Variants in ATXN1 observed in about 807,000 individuals in gnomAD.
The protein encoded by ATXN1 is ataxin 1.
Under a neutral mutation model 56.4 loss-of-function variants are expected in ATXN1, and 8 were observed. The observed-to-expected ratio is 0.14, with a 90% CI of 0.08 to 0.26. ATXN1 has a LOEUF of 0.26. ATXN1 is among the 10% of genes least tolerant of loss of function. The pLI, the probability that ATXN1 is intolerant of heterozygous loss-of-function variation, is 1.00. For missense variants in ATXN1, 987 were observed against 1,106.5 expected (o/e 0.89, Z 1.53); for synonymous variants, 514 against 494.6 (o/e 1.04, Z -0.52).
intron 4 of ATXN1, among the ~76,000 whole-genome samples, chr6:16,536,727 G>T (rs1466431296): frequency 6.6e-6 from 1 of 151,412 alleles, no homozygotes; most frequent in East Asian, 1.9e-4. Context: ...ACTGCAATGT[G>T]CAATGCAATT....
chr6:16,442,218 C>G (rs562152962), intron 6 of ATXN1, among the ~76,000 whole-genome samples: 3 of 152,232 alleles, frequency 2.0e-5, no homozygotes, highest in Admixed American at 6.5e-5. Context: ...TTATACCCAG[C>G]CAAAATGATC....
chr6:16,736,159 T>G (rs1467867961), intron 2 of ATXN1, among the ~76,000 whole-genome samples: 1 of 152,236 alleles, frequency 6.6e-6, no homozygotes, highest in Non-Finnish European at 1.5e-5. Flanking sequence ...TCTCCTTAAT[T>G]TCACTTAATG....
At chr6:16,541,315 ACT>A (rs1761709268) in intron 4 of ATXN1, among the ~76,000 whole-genome samples, 1 of 151,798 alleles carries the variant, frequency 6.6e-6, no homozygotes, top group South Asian at 2.1e-4. Flanking sequence ...CCCATTTACG[ACT>A]CTGACCCATG....
intron 6 of ATXN1, among the ~76,000 whole-genome samples, chr6:16,451,152 G>A (rs1421015657): frequency 6.6e-6 from 1 of 152,134 alleles, no homozygotes; most frequent in East Asian, 1.9e-4. Flanking sequence ...CACTTCAGCT[G>A]TACAAATTAT....
At chr6:16,318,080 TTTGA>T (rs1760557414) in intron 7 of ATXN1, among the ~76,000 whole-genome samples, 2 of 152,244 alleles carry the variant, frequency 1.3e-5, no homozygotes, top group South Asian at 2.1e-4. Flanking sequence ...ATTTATGCTG[TTTGA>T]TTGTATATTT....
At chr6:16,582,469 C>T (rs1045094586) in intron 4 of ATXN1, among the ~76,000 whole-genome samples, 1 of 152,172 alleles carries the variant, frequency 6.6e-6, no homozygotes, top group Non-Finnish European at 1.5e-5. Flanking sequence ...CTCAGTTTCT[C>T]ACAATTCAAA....
At chr6:16,610,174 A>G (rs1763078824) in intron 3 of ATXN1, among the ~76,000 whole-genome samples, 1 of 152,130 alleles carries the variant, frequency 6.6e-6, no homozygotes, top group South Asian at 2.1e-4. Flanking sequence ...TGATTGATGC[A>G]TAGTCAAAGT....
intron 2 of ATXN1, among the ~76,000 whole-genome samples, chr6:16,659,989 C>T (rs891833107): frequency 6.6e-6 from 1 of 152,116 alleles, no homozygotes; most frequent in African/African-American, 2.4e-5. Context: ...TCCATTCTTA[C>T]TTATATCTGT....
intron 6 of ATXN1, among the ~76,000 whole-genome samples, chr6:16,342,917 G>T (rs1291049632): frequency 2.0e-5 from 3 of 152,220 alleles, no homozygotes; most frequent in Non-Finnish European, 4.4e-5. Flanking sequence ...AGTTTGGTAT[G>T]ATGGAAACAT....
intron 6 of ATXN1, among the ~76,000 whole-genome samples, chr6:16,331,220 C>T (rs2113421066): frequency 6.6e-6 from 1 of 152,218 alleles, no homozygotes; most frequent in East Asian, 1.9e-4. Flanking sequence ...AGGCTGGTCT[C>T]GAACTCCTGA....
chr6:16,327,824 C>A lies in ATXN1; in HGVS notation c.487G>T (p.Ala163Ser), dbSNP rs369799017. Reference sequence around the variant, plus strand: ...CGCTGGGATGGAGTGGTGGCCCCTGCGGCCGAGGCCACTGCACTGGTGACG... The same window carrying A: ...CGCTGGGATGGAGTGGTGGCCCCTGAGGCCGAGGCCACTGCACTGGTGACG... ...NPVTSAVASAAGATTPSQRSQ... is the reference protein window; with the variant it reads ...NPVTSAVASASGATTPSQRSQ... The change falls in exon 7 of 8, where the codon GCA becomes TCA. Residue 163 changes from alanine (A) to serine (S), a missense_variant. Physicochemically the swap from Ala to Ser is moderately conservative, Grantham distance 99 (BLOSUM62 1). Transcript: ENST00000436367. 1.2e-6 allele frequency: 2 copies of A among 1,608,678 alleles called. No individual in the cohort carries two copies. The highest frequency in any genetic ancestry group is 1.7e-6 in the Non-Finnish European group (2 of 1,179,878).
chr6:16,736,349 A>C (rs1003416488), intron 2 of ATXN1, among the ~76,000 whole-genome samples: 1 of 152,196 alleles, frequency 6.6e-6, no homozygotes, highest in Non-Finnish European at 1.5e-5. Flanking sequence ...AACAGTTCCT[A>C]ATCTCCCTTC....
intron 6 of ATXN1, among the ~76,000 whole-genome samples, chr6:16,475,492 T>C (rs937829425): frequency 7.2e-5 from 11 of 152,198 alleles, no homozygotes; most frequent in African/African-American, 1.9e-4. Flanking sequence ...TAACAGACTT[T>C]ATCGCATTTA....
intron 2 of ATXN1, among the ~76,000 whole-genome samples, chr6:16,695,869 C>T (rs915059377): frequency 2.0e-5 from 3 of 152,050 alleles, no homozygotes; most frequent in East Asian, 1.9e-4. Flanking sequence ...CAGGCTGAGG[C>T]GGGAGGATCA....
At chr6:16,547,226 T>G (rs1043386467) in intron 4 of ATXN1, among the ~76,000 whole-genome samples, 9 of 152,220 alleles carry the variant, frequency 5.9e-5, no homozygotes, top group African/African-American at 1.2e-4. Flanking sequence ...GCACTCCTTT[T>G]CCTTCCAAAT....
intron 2 of ATXN1, chr6:16,667,485 A>C (rs1347410950): frequency 6.6e-6 from 1 of 152,234 alleles, no homozygotes; most frequent in African/African-American, 2.4e-5. Context: ...CTCACAAGCC[A>C]CACGCTGGAT....
chr6:16,649,626 A>G (rs1177452834), intron 3 of ATXN1, among the ~76,000 whole-genome samples: 1 of 152,246 alleles, frequency 6.6e-6, no homozygotes, highest in Non-Finnish European at 1.5e-5. Context: ...GCTGAATCCA[A>G]CTATTACTGT....
chr6:16,700,516 G>A (rs1365244110), intron 2 of ATXN1, among the ~76,000 whole-genome samples: 1 of 152,066 alleles, frequency 6.6e-6, no homozygotes, highest in East Asian at 1.9e-4. Flanking sequence ...AGATTGTCTG[G>A]GGCCAAGCAG....
chr6:16,756,883 T>G (rs1347270661), intron 1 of ATXN1, among the ~76,000 whole-genome samples: 1 of 152,348 alleles, frequency 6.6e-6, no homozygotes, highest in East Asian at 1.9e-4. Flanking sequence ...AGTGTTAGTG[T>G]TAGTCATCAG....
Sources: gnomAD v4.1 joint callset for allele counts (sites outside exome capture counted in the v4.1 genomes callset) on GRCh38, gnomAD v4.1.1 for gene constraint, MANE v1.5 for transcripts, NCBI Gene and HGNC (gene_info 2026-07-23, HGNC 2026-07-21) for gene names.